Variants in CCK observed in about 807,000 individuals in gnomAD.
CCK encodes cholecystokinin.
CCK carries 11 observed loss-of-function variants against 10.1 expected under a neutral mutation model. The observed-to-expected ratio is 1.09, with a 90% CI of 0.69 to 1.81. The LOEUF (loss-of-function observed/expected upper bound fraction) is 1.81. Ranked by LOEUF, CCK falls within the 40% of genes most tolerant of loss-of-function variation. The pLI, the probability that CCK is intolerant of heterozygous loss-of-function variation, is 0.00. For synonymous variants in CCK, 83 were observed against 71.9 expected (o/e 1.15, Z -0.78); for missense variants, 137 against 159.9 (o/e 0.86, Z 0.77).
chr3:42,262,679 C>T (rs972226432), intron 4 of CCK, among the ~76,000 whole-genome samples: 2 of 152,200 alleles, frequency 1.3e-5, no homozygotes, highest in African/African-American at 4.8e-5. Context: ...ATGGGCCTCC[C>T]TCTGAATCAC....
In CCK at chr3:42,258,375, G is replaced by C. The variant is rs943372348; in HGVS notation, c.215-144C>G. 6 of 790,362 alleles carry C rather than the reference G, an allele frequency of 7.6e-6. No homozygotes were observed. The East Asian group carries it at 8.2e-5, about 11-fold the overall frequency. 49.0% of individuals were successfully genotyped at this position (790,362 alleles called of 1,614,324 possible). ...GTATCAAAGAGCTATCAAAGTAGTG[G>C]AACTGATGGACCAAAATCTGAGAGA... On this transcript the variant is annotated intron_variant, in intron 4 of 4. Transcript: ENST00000396169.
chr3:42,263,510 G>A lies in CCK; in HGVS notation c.121C>T (p.Arg41Cys). 6.2e-7 allele frequency: 1 copy of A among 1,613,922 alleles called. No individual in the cohort carries two copies. Among genetic ancestry groups the A allele is most frequent in the Non-Finnish European group, 8.5e-7 (1 of 1,179,946 alleles). The change falls in exon 4 of 5, where the codon CGT (arginine) becomes TGT (cysteine). Residue 41 changes from arginine to cysteine, a missense_variant. Physicochemically the swap from Arg to Cys is radical, Grantham distance 180. Transcript: ENST00000396169. ...CTCTGCGATACCCTCAGCTGCCTAC[G>A]GGGCGCCTCCTCTGCCCGCTGCAGC... ...SGLQRAEEAP[R>C]RQLRVSQRTD...
chr3:42,260,339 CT>C (rs1174787711), intron 4 of CCK, among the ~76,000 whole-genome samples: 7 of 152,206 alleles, frequency 4.6e-5, no homozygotes, highest in Admixed American at 4.6e-4. Context: ...ATGACCCATC[CT>C]TCTGCCTGCT....
intron 4 of CCK, among the ~76,000 whole-genome samples, chr3:42,262,367 T>A (rs1399158309): frequency 6.6e-6 from 1 of 152,080 alleles, no homozygotes. Context: ...ATTACAAGCA[T>A]GTGCCACCAT....
chr3:42,258,218 T>C lies in CCK; in HGVS notation c.228A>G (p.Arg76=), dbSNP rs1395376797. 4.3e-6 allele frequency: 7 copies of C among 1,613,914 alleles called. No individual in the cohort carries two copies. Among genetic ancestry groups the C allele is most frequent in the Non-Finnish European group, 5.9e-6 (7 of 1,179,992 alleles). ...IQQARKAPSG[R]MSIVKNLQNL... is the part of the protein sequence containing the mutation. ...TCTGCAGGTTCTTAACGATGGACAT[T>C]CGTCCAGAAGGAGCTACAAGGAGCA... The change falls in exon 5 of 5, where the codon CGA becomes CGG. Residue 76 remains arginine, a synonymous_variant. Coordinates refer to ENST00000396169, the MANE Select transcript of CCK (RefSeq NM_000729.6).
intron 4 of CCK, 155 bp downstream of exon 4, chr3:42,263,262 C>T (rs922361963): frequency 1.8e-6 from 2 of 1,124,836 alleles, no homozygotes; most frequent in Non-Finnish European, 2.7e-6. Context: ...CCTCCATACC[C>T]CTTCTCAGAT....
chr3:42,258,835 C>A (rs1406577757), intron 4 of CCK, among the ~76,000 whole-genome samples: 1 of 152,146 alleles, frequency 6.6e-6, no homozygotes, highest in East Asian at 1.9e-4. Context: ...CCATATGACC[C>A]AGCAATCCCA....
At chr3:42,261,992 C>T (rs1218488309) in intron 4 of CCK, among the ~76,000 whole-genome samples, 3 of 152,146 alleles carry the variant, frequency 2.0e-5, no homozygotes, top group African/African-American at 7.2e-5. Flanking sequence ...CAACAAATCA[C>T]TGATTTGTTC....
At chr3:42,263,682 G>A (rs1711249774) in intron 3 of CCK, 50 bp from the exon 4 acceptor site, 2 of 1,466,222 alleles carry the variant, frequency 1.4e-6, no homozygotes, top group Non-Finnish European at 1.8e-6. Context: ...CTGGGCAACA[G>A]AGCTCCTGCG....
intron 3 of CCK, 25 bp from the exon 4 acceptor site, chr3:42,263,657 G>A: frequency 1.3e-6 from 2 of 1,501,696 alleles, no homozygotes; most frequent in South Asian, 2.6e-5. Flanking sequence ...GGAGGAGGGC[G>A]CGTTAACTGA....
At chr3:42,262,541 A>G (rs969345406) in intron 4 of CCK, among the ~76,000 whole-genome samples, 1 of 152,174 alleles carries the variant, frequency 6.6e-6, no homozygotes, top group Non-Finnish European at 1.5e-5. Flanking sequence ...TTTAATGTCC[A>G]GCTGTGTTTG....
In CCK at chr3:42,258,063, G is replaced by A. The variant is rs547720517; in HGVS notation, c.*35C>T. On this transcript the variant is annotated 3_prime_UTR_variant, in exon 5 of 5. Coordinates refer to ENST00000396169, the MANE Select transcript of CCK (RefSeq NM_000729.6). ...TATTCTGCCTCCTCTGGGTTGGGAG[G>A]TTGCTTCCCGTTGGGCTGATGGCGG... 1.3e-6 allele frequency: 2 copies of A among 1,590,930 alleles called. No homozygotes were observed. Among genetic ancestry groups the A allele is most frequent in the African/African-American group, 2.7e-5 (2 of 73,878 alleles).
chr3:42,263,111 G>C, intron 4 of CCK: 1 of 474,014 alleles, frequency 2.1e-6, no homozygotes, highest in Non-Finnish European at 3.9e-6. Context: ...GGTATTCACT[G>C]TATCTAGGAA....
chr3:42,263,809 G>A, intron 3 of CCK, 177 bp from the exon 4 acceptor site: 1 of 1,107,414 alleles, frequency 9.0e-7, no homozygotes, highest in Non-Finnish European at 1.2e-6. Flanking sequence ...CATGGCGCGC[G>A]CCCCCGGGCG....
chr3:42,262,529 C>A (rs1711231527), intron 4 of CCK, among the ~76,000 whole-genome samples: 1 of 152,146 alleles, frequency 6.6e-6, no homozygotes, highest in South Asian at 2.1e-4. Flanking sequence ...CTGCTGAATT[C>A]TTTTAATGTC....
At position 42,265,742 on chromosome 3, in the gene CCK, G is replaced by C. The variant is rs967339605; in HGVS notation, c.-441C>G. The stretch of plus-strand genomic sequence containing the variant: ...GGACCTCACCCCTAGTCAGTCACCC[G>C]TCCGGTGGAGGGAAGGGAGGCACCG... On this transcript the variant is annotated 5_prime_UTR_variant, in exon 1 of 5. Coordinates refer to ENST00000396169, the MANE Select transcript of CCK (RefSeq NM_000729.6). 6.6e-6 allele frequency: 1 copy of C among 152,302 alleles called. No individual in the cohort carries two copies. 9.4% of individuals were successfully genotyped at this position (152,302 alleles called of 1,614,324 possible).
chr3:42,263,850 C>T (rs1488676505), intron 3 of CCK: 16 of 629,030 alleles, frequency 2.5e-5, no homozygotes, highest in Non-Finnish European at 4.0e-5. Context: ...ACTCCTCACC[C>T]AGCGCCAAGG....
In CCK at chr3:42,257,856, C is replaced by T. The variant is rs1417807887; in HGVS notation, c.*242G>A. ...TGAAATCACTTTAATAGCATAACAA[C>T]ATTTTCAGACCAGGAGTCACAGATG... is the stretch of plus-strand genomic sequence containing the variant. On this transcript the variant is annotated 3_prime_UTR_variant, in exon 5 of 5. Transcript: ENST00000396169. The T allele has an allele frequency of 5.1e-5, 24 of 467,948 alleles. No individual in the cohort carries two copies. The highest frequency in any genetic ancestry group is 8.7e-5 in the Non-Finnish European group (23 of 265,676). 29.0% of individuals were successfully genotyped at this position (467,948 alleles called of 1,614,324 possible).
chr3:42,258,453 T>C lies in CCK; in HGVS notation c.215-222A>G, dbSNP rs541215705. Among the ~76,000 whole-genome samples, 3 of 152,302 alleles carry C rather than the reference T, an allele frequency of 2.0e-5. No homozygotes were observed. The East Asian group carries it at 5.8e-4, about 29-fold the overall frequency. On this transcript the variant is annotated intron_variant, in intron 4 of 4. Coordinates refer to ENST00000396169, the MANE Select transcript of CCK (RefSeq NM_000729.6). ...GAGAGAGGACAATATATTTACAAGTTAGGGGTGTGCTTTGCGTTCTGCAAG... is the reference window on the plus strand; with the variant it reads ...GAGAGAGGACAATATATTTACAAGTCAGGGGTGTGCTTTGCGTTCTGCAAG...
Sources: gnomAD v4.1 joint callset for allele counts (sites outside exome capture counted in the v4.1 genomes callset) on GRCh38, gnomAD v4.1.1 for gene constraint, MANE v1.5 for transcripts, NCBI Gene and HGNC (gene_info 2026-07-23, HGNC 2026-07-21) for gene names.